The following KAT14 variants were observed in gnomAD, a reference collection of about 807,000 sequenced individuals.
KAT14 encodes cysteine-rich protein 2-binding protein.
A neutral mutation model predicts 78.4 loss-of-function variants in KAT14; 66 were observed. The ratio of observed to expected loss-of-function variants is 0.84; its 90% CI spans 0.69 to 1.03. The LOEUF is 1.03. Among genes scored for constraint, KAT14 ranks in the 50% least tolerant of loss-of-function variants. KAT14 has a pLI of 0.00. For synonymous variants in KAT14, 344 were observed against 359.4 expected (o/e 0.96, Z 0.48); for missense variants, 870 against 972.5 (o/e 0.89, Z 1.40).
At chr20:18,164,846 C>G (rs1256999207) in intron 7 of KAT14, among the ~76,000 whole-genome samples, 2 of 151,940 alleles carry the variant, frequency 1.3e-5, no homozygotes, top group African/African-American at 4.8e-5. Flanking sequence ...AGACTGATCT[C>G]AAACTCCTGG....
chr20:18,158,989 G>A (rs776076877), intron 4 of KAT14, 95 bp from the exon 5 acceptor site: 146 of 1,399,016 alleles, frequency 1.0e-4, no homozygotes, highest in Non-Finnish European at 1.3e-4. Flanking sequence ...AGGTGCCATT[G>A]CATGTTGCAG....
In KAT14 at chr20:18,138,041, G is replaced by A. The variant is rs1009220902; in HGVS notation, c.-464G>A. On this transcript the variant is annotated 5_prime_UTR_variant, in exon 1 of 11. An upstream open reading frame in the 5' UTR gains an earlier in-frame stop. Coordinates refer to ENST00000688188, the MANE Select transcript of KAT14 (RefSeq NM_001392073.1). Reference sequence around the variant, plus strand: ...GCCGGCGTACATGTGAAGCAGCAGTGGGACCAGCAGGTCGGTGTCACGTGA... The same window carrying A: ...GCCGGCGTACATGTGAAGCAGCAGTAGGACCAGCAGGTCGGTGTCACGTGA... 3.7e-5 allele frequency: 55 copies of A among 1,486,788 alleles called. No homozygotes were observed. The highest frequency in any genetic ancestry group is 4.8e-5 in the Non-Finnish European group (54 of 1,125,404). The allele number at this position is 1,486,788 out of a possible 1,614,324, so 92.1% of individuals were successfully genotyped here.
intron 1 of KAT14, among the ~76,000 whole-genome samples, chr20:18,140,222 G>A (rs539615028): frequency 2.6e-5 from 4 of 152,138 alleles, no homozygotes; most frequent in East Asian, 3.9e-4. Flanking sequence ...AGAAGCACAG[G>A]ACAGGAAGAC....
At chr20:18,185,548 A>G (rs2039424505) in intron 10 of KAT14, among the ~76,000 whole-genome samples, 1 of 152,212 alleles carries the variant, frequency 6.6e-6, no homozygotes, top group Non-Finnish European at 1.5e-5. Context: ...ATCACTGTAT[A>G]AGGCTGATAT....
chr20:18,137,385 A>T (rs958747031), upstream of KAT14, among the ~76,000 whole-genome samples: 1 of 152,174 alleles, frequency 6.6e-6, no homozygotes, highest in Non-Finnish European at 1.5e-5. Context: ...GCGTTTAATA[A>T]TGGGTCCTCA....
At chr20:18,167,375 T>C (rs1244126625) in intron 7 of KAT14, among the ~76,000 whole-genome samples, 2 of 152,218 alleles carry the variant, frequency 1.3e-5, no homozygotes, top group Non-Finnish European at 2.9e-5. Context: ...ATAGTTTTAG[T>C]GGGATTTTGG....
chr20:18,141,666 T>G (rs1600213571), intron 1 of KAT14, among the ~76,000 whole-genome samples: 1 of 152,172 alleles, frequency 6.6e-6, no homozygotes, highest in Non-Finnish European at 1.5e-5. Context: ...GGTGGATTAC[T>G]TGAGATCAGG....
chr20:18,186,435 T>A (rs2039456502), intron 10 of KAT14, among the ~76,000 whole-genome samples: 1 of 152,198 alleles, frequency 6.6e-6, no homozygotes, highest in African/African-American at 2.4e-5. Flanking sequence ...TGCCTATGGA[T>A]ACACATGGAA....
At chr20:18,152,080 A>C (rs2038068591) in intron 4 of KAT14, among the ~76,000 whole-genome samples, 3 of 152,152 alleles carry the variant, frequency 2.0e-5, no homozygotes, top group Admixed American at 2.0e-4. Flanking sequence ...TTAAAAAATA[A>C]GAGTTGTATT....
intron 9 of KAT14, 135 bp downstream of exon 9, chr20:18,183,433 A>G (rs2039338224): frequency 7.5e-7 from 1 of 1,341,720 alleles, no homozygotes; most frequent in African/African-American, 1.5e-5. Flanking sequence ...TAACATGGAA[A>G]TATTAAAATA....
At chr20:18,170,903 T>C (rs556581114) in intron 7 of KAT14, among the ~76,000 whole-genome samples, 134 of 152,336 alleles carry the variant, frequency 8.8e-4, no homozygotes, top group South Asian at 1.7e-3. Context: ...AGAGTTCTGA[T>C]TGAGAGGTTT....
At chr20:18,185,361 T>G (rs1446450017) in intron 10 of KAT14, among the ~76,000 whole-genome samples, 1 of 152,100 alleles carries the variant, frequency 6.6e-6, no homozygotes, top group African/African-American at 2.4e-5. Context: ...AGGTGCACAC[T>G]GCCATGCCCG....
At chr20:18,170,739 G>C (rs1437009073) in intron 7 of KAT14, among the ~76,000 whole-genome samples, 1 of 152,082 alleles carries the variant, frequency 6.6e-6, no homozygotes. Context: ...GGATTTCACC[G>C]TGTTAGCCAG....
At chr20:18,168,345 T>C (rs2038729428) in intron 7 of KAT14, among the ~76,000 whole-genome samples, 3 of 152,186 alleles carry the variant, frequency 2.0e-5, no homozygotes, top group South Asian at 2.1e-4. Flanking sequence ...CTGGACAATA[T>C]GGTGAAACCC....
intron 4 of KAT14, among the ~76,000 whole-genome samples, chr20:18,154,159 C>CACTT (rs1477298456): frequency 6.6e-6 from 1 of 152,178 alleles, no homozygotes; most frequent in Non-Finnish European, 1.5e-5. Context: ...GGGTAGTTAC[C>CACTT]ACTTGCTCAG....
chr20:18,146,640 CAA>C (rs1157806026), intron 3 of KAT14, among the ~76,000 whole-genome samples: 10 of 152,092 alleles, frequency 6.6e-5, no homozygotes, highest in South Asian at 2.1e-4. Flanking sequence ...GCCTAGGCAA[CAA>C]GAGTGAAAGT....
At chr20:18,157,089 A>G (rs1379778640) in intron 4 of KAT14, among the ~76,000 whole-genome samples, 1 of 152,240 alleles carries the variant, frequency 6.6e-6, no homozygotes, top group Non-Finnish European at 1.5e-5. Context: ...GTACATTATG[A>G]AAGTAACCTC....
intron 9 of KAT14, 115 bp from the exon 10 acceptor site, chr20:18,184,485 GTT>G (rs374086894): frequency 0.034 from 20,032 of 588,252 alleles, no homozygotes; most frequent in East Asian, 0.057. Context: ...CAGTTTTGGT[GTT>G]TTTTTTTTTT....
chr20:18,187,258 A>G, intron 10 of KAT14, 28 bp from the exon 11 acceptor site: 1 of 1,569,790 alleles, frequency 6.4e-7, no homozygotes, highest in Non-Finnish European at 8.6e-7. Context: ...TTCCATTTTT[A>G]TCTTGTATTT....
Sources: gnomAD v4.1 joint callset for allele counts (sites outside exome capture counted in the v4.1 genomes callset) on GRCh38, gnomAD v4.1.1 for gene constraint, MANE v1.5 for transcripts, NCBI Gene and HGNC (gene_info 2026-07-23, HGNC 2026-07-21) for gene names.